SAMD12: variants seen among roughly 807,000 people sequenced by gnomAD.
SAMD12 encodes sterile alpha motif domain containing 12, also known as sterile alpha motif domain-containing protein 12.
Under a neutral mutation model 15.0 loss-of-function variants are expected in SAMD12, and 9 were observed. The observed-to-expected ratio is 0.60, with a 90% CI of 0.36 to 1.05. The LOEUF (loss-of-function observed/expected upper bound fraction) is 1.05. Among genes scored for constraint, SAMD12 ranks in the 50% least tolerant of loss-of-function variants. The pLI, the probability that SAMD12 is intolerant of heterozygous loss-of-function variation, is 0.01. For synonymous variants in SAMD12, 86 were observed against 90.1 expected (o/e 0.96, Z 0.25); for missense variants, 230 against 234.2 (o/e 0.98, Z 0.12).
At chr8:118,482,772 C>A (rs1824163924) in intron 2 of SAMD12, among the ~76,000 whole-genome samples, 2 of 152,224 alleles carry the variant, frequency 1.3e-5, no homozygotes, top group South Asian at 4.2e-4. Context: ...GTCCATGGAT[C>A]AGTAATTCAG....
At chr8:118,547,326 G>T (rs1203983249) in intron 2 of SAMD12, among the ~76,000 whole-genome samples, 1 of 152,132 alleles carries the variant, frequency 6.6e-6, no homozygotes, top group Non-Finnish European at 1.5e-5. Flanking sequence ...AATCAAGAAT[G>T]ACTTCAGTGA....
At chr8:118,223,065 C>G (rs1484011790) in intron 4 of SAMD12, among the ~76,000 whole-genome samples, 1 of 152,104 alleles carries the variant, frequency 6.6e-6, no homozygotes, top group Non-Finnish European at 1.5e-5. Context: ...AAGTCTTCTA[C>G]TAAGAGTTAC....
chr8:118,592,638 G>A (rs1461457861), intron 1 of SAMD12, among the ~76,000 whole-genome samples: 1 of 152,192 alleles, frequency 6.6e-6, no homozygotes, highest in Admixed American at 6.5e-5. Context: ...AACCACTGCT[G>A]TAATTATTAC....
intron 2 of SAMD12, among the ~76,000 whole-genome samples, chr8:118,570,163 C>T (rs1160767811): frequency 6.6e-6 from 1 of 152,100 alleles, no homozygotes; most frequent in Non-Finnish European, 1.5e-5. Context: ...GAAATCTTGG[C>T]CAACGCTAGA....
chr8:118,253,232 C>T (rs763656942), intron 4 of SAMD12, among the ~76,000 whole-genome samples: 14 of 152,100 alleles, frequency 9.2e-5, no homozygotes, highest in African/African-American at 2.2e-4. Flanking sequence ...ATGAGAAACT[C>T]GCAGAAAGGC....
intron 4 of SAMD12, among the ~76,000 whole-genome samples, chr8:118,232,235 G>C (rs2451147): frequency 6.6e-6 from 1 of 152,104 alleles, no homozygotes; most frequent in African/African-American, 2.4e-5. Flanking sequence ...GATTAGATGA[G>C]ATAAGCTTAA....
the SAMD12 span, among the ~76,000 whole-genome samples, chr8:118,173,210 C>A: frequency 1.3e-5 from 2 of 152,166 alleles, no homozygotes; most frequent in Non-Finnish European, 2.9e-5. Context: ...CTTTTTATTT[C>A]TTTGCCTTCC....
Position 118,245,938 on chromosome 8 carries a change from G to C in SAMD12, c.434-48206C>G, listed in dbSNP as rs531398285. 2.0e-5 allele frequency among the ~76,000 whole-genome samples: 3 copies of C among 152,262 alleles called. No homozygotes were observed. In the East Asian group the frequency reaches 5.8e-4, roughly 29 times the overall value. ...GGCAGAAGGATTCATTTACAAGAAG[G>C]TTGAGAAGCAGCTGCAGGAGGTAGG... On this transcript the variant is annotated intron_variant, in intron 4 of 4. Transcript: ENST00000409003.
At chr8:118,374,567 A>T (rs1334991649), downstream of SAMD12, among the ~76,000 whole-genome samples, 1 of 152,160 alleles carries the variant, frequency 6.6e-6, no homozygotes, top group Non-Finnish European at 1.5e-5. Flanking sequence ...ACTGTTTTCC[A>T]TAATGGCTAT....
chr8:118,283,271 G>A (rs908732619), intron 4 of SAMD12, among the ~76,000 whole-genome samples: 9 of 151,990 alleles, frequency 5.9e-5, no homozygotes, highest in African/African-American at 7.3e-5. Flanking sequence ...TATTCCTAAC[G>A]TATTAATGGC....
intron 4 of SAMD12, among the ~76,000 whole-genome samples, chr8:118,314,318 C>T (rs1815772341): frequency 6.6e-6 from 1 of 152,032 alleles, no homozygotes; most frequent in Non-Finnish European, 1.5e-5. Flanking sequence ...ATTATAGACT[C>T]ACAGGAAGTT....
chr8:118,234,696 G>A (rs1812388625), intron 4 of SAMD12, among the ~76,000 whole-genome samples: 1 of 103,542 alleles, frequency 9.7e-6, no homozygotes, highest in South Asian at 3.2e-4. Flanking sequence ...AGGTGACAGA[G>A]TAAGACTCCA....
the SAMD12 span, among the ~76,000 whole-genome samples, chr8:118,158,557 A>G: frequency 1.3e-5 from 2 of 152,202 alleles, no homozygotes; most frequent in African/African-American, 4.8e-5. Context: ...CCATGAATGG[A>G]GGTAGAAAGT....
chr8:118,376,279 T>A (rs1366235154), downstream of SAMD12, among the ~76,000 whole-genome samples: 1 of 152,194 alleles, frequency 6.6e-6, no homozygotes, highest in Non-Finnish European at 1.5e-5. Flanking sequence ...TGTCTAAATG[T>A]TATGTCTCCT....
At chr8:118,287,122 ATTTTTTTTT>A (rs202200197) in intron 4 of SAMD12, among the ~76,000 whole-genome samples, 1 of 132,834 alleles carries the variant, frequency 7.5e-6, no homozygotes, top group South Asian at 2.4e-4. Flanking sequence ...AAGGAAGAAT[ATTTTTTTTT>A]TTTTTTTTTT....
chr8:118,461,028 A>G (rs1165396792), intron 2 of SAMD12, among the ~76,000 whole-genome samples: 1 of 152,174 alleles, frequency 6.6e-6, no homozygotes, highest in African/African-American at 2.4e-5. Flanking sequence ...CACCTTCTTT[A>G]CCTGGAGAAT....
the SAMD12 span, among the ~76,000 whole-genome samples, chr8:118,161,933 G>T: frequency 5.3e-5 from 8 of 152,012 alleles, no homozygotes; most frequent in African/African-American, 1.9e-4. Flanking sequence ...GCCCAGGCGG[G>T]TGGATTACCT....
chr8:118,440,657 A>AACACACACACACACACACAC (rs34419362), intron 2 of SAMD12, among the ~76,000 whole-genome samples: 4 of 142,130 alleles, frequency 2.8e-5, no homozygotes, highest in Non-Finnish European at 4.5e-5. Context: ...TTATGAGGAA[A>AACACACACACACACACACAC]ACACACACAC....
chr8:118,263,232 G>T (rs972311461), intron 4 of SAMD12, among the ~76,000 whole-genome samples: 2 of 152,014 alleles, frequency 1.3e-5, no homozygotes, highest in African/African-American at 2.4e-5. Flanking sequence ...AAAGTTTTAA[G>T]AATAAAACCT....
Sources: allele counts gnomAD v4.1 joint callset (sites outside exome capture counted in the v4.1 genomes callset), GRCh38; gene constraint gnomAD v4.1.1; transcripts MANE v1.5; gene names NCBI Gene and HGNC (gene_info 2026-07-23, HGNC 2026-07-21).